The following ZC3H3 variants were observed in gnomAD, a reference collection of about 807,000 sequenced individuals.
ZC3H3 encodes zinc finger CCCH domain-containing protein 3.
Under a neutral mutation model 77.3 loss-of-function variants are expected in ZC3H3, and 36 were observed. The ratio of observed to expected loss-of-function variants is 0.47; its 90% CI spans 0.36 to 0.61. The LOEUF (loss-of-function observed/expected upper bound fraction) is 0.61. ZC3H3 is among the 20% of genes least tolerant of loss of function. ZC3H3 has a pLI of 0.00. For synonymous variants in ZC3H3, 626 were observed against 555.2 expected, an observed-to-expected ratio of 1.13 and a Z score of -1.79; for missense variants, 1,331 against 1,312.2, an observed-to-expected ratio of 1.01 and a Z score of -0.22.
intron 4 of ZC3H3, among the ~76,000 whole-genome samples, chr8:143,478,561 G>C (rs563726116): frequency 2.6e-5 from 4 of 152,362 alleles, no homozygotes; most frequent in East Asian, 1.9e-4. Context: ...CCAGGCTAGA[G>C]TGCAATGGTG....
intron 3 of ZC3H3, 52 bp from the exon 4 acceptor site, chr8:143,507,951 T>C (rs1481524546): frequency 4.6e-6 from 7 of 1,508,012 alleles, no homozygotes; most frequent in Non-Finnish European, 6.2e-6. Context: ...CCGGCAAGGG[T>C]AGGGTCAGAG....
chr8:143,540,065 G>T (rs576469127), intron 1 of ZC3H3, among the ~76,000 whole-genome samples: 27 of 152,372 alleles, frequency 1.8e-4, no homozygotes, highest in African/African-American at 6.0e-4. Context: ...ACGTCCAGAC[G>T]TGTTGACGCC....
rs541111207 is a variant in ZC3H3, at chr8:143,455,356, C to A, written c.2307+10361G>T. Among the ~76,000 whole-genome samples the A allele has an allele frequency of 1.1e-4, 16 of 151,886 alleles. No individual in the cohort carries two copies. The South Asian group carries it at 3.1e-3, about 30-fold the overall frequency. On this transcript the variant is annotated intron_variant, in intron 9 of 11. Coordinates refer to ENST00000262577, the MANE Select transcript of ZC3H3 (RefSeq NM_015117.3). ...AATAAAAATACAAAAATTAGCCAGG[C>A]GTGGTGGCGCGTGTCTGTAATCCCA...
At chr8:143,465,526 T>C (rs896265341) in intron 9 of ZC3H3, among the ~76,000 whole-genome samples, 191 bp downstream of exon 9, 1 of 152,200 alleles carries the variant, frequency 6.6e-6, no homozygotes, top group African/African-American at 2.4e-5. Context: ...AACCCCGCCC[T>C]GTGTTGGTGC....
intron 2 of ZC3H3, 49 bp downstream of exon 2, chr8:143,537,954 C>G (rs367557420): frequency 6.8e-5 from 103 of 1,514,980 alleles, no homozygotes; most frequent in Non-Finnish European, 8.8e-5. Flanking sequence ...GCCAAACAAA[C>G]CCTCCTCACA....
At chr8:143,481,149 G>A (rs1465671137) in intron 4 of ZC3H3, among the ~76,000 whole-genome samples, 3 of 152,164 alleles carry the variant, frequency 2.0e-5, no homozygotes, top group Non-Finnish European at 2.9e-5. Flanking sequence ...TCGAGGCCTA[G>A]GCCAGATTGC....
At chr8:143,466,635 C>T (rs988696348) in intron 8 of ZC3H3, among the ~76,000 whole-genome samples, 2 of 152,168 alleles carry the variant, frequency 1.3e-5, no homozygotes, top group African/African-American at 4.8e-5. Context: ...CCCTGCCCCT[C>T]ATGGGCCACC....
In ZC3H3 at chr8:143,533,705, G is replaced by C. The variant is rs928544382; in HGVS notation, c.1561+2552C>G. Among the ~76,000 whole-genome samples, 1 of 57,782 alleles carries C rather than the reference G, an allele frequency of 1.7e-5. No homozygotes were observed. The highest frequency in any genetic ancestry group is 1.9e-4 in the Admixed American group (1 of 5,366). 37.9% of individuals were successfully genotyped at this position (57,782 alleles called of 152,430 possible). ...CTGGTCTTTTTTTTTTTTTTTTTTTGAGACAAAATGTCACTCTGTCGCCCA... is the reference window on the plus strand; with the variant it reads ...CTGGTCTTTTTTTTTTTTTTTTTTTCAGACAAAATGTCACTCTGTCGCCCA... On this transcript the variant is annotated intron_variant, in intron 3 of 11. Transcript: ENST00000262577. The surrounding 1 kb of genome is among the most constrained non-coding windows in gnomAD (Gnocchi z 4.0).
At chr8:143,525,069 T>C (rs945952030) in intron 3 of ZC3H3, among the ~76,000 whole-genome samples, 1 of 42,626 alleles carries the variant, frequency 2.3e-5, no homozygotes, top group African/African-American at 6.7e-5. Flanking sequence ...TCCCTTGAAA[T>C]GCCATCTACT....
At chr8:143,507,239 C>A (rs192009974) in intron 4 of ZC3H3, among the ~76,000 whole-genome samples, 1 of 152,302 alleles carries the variant, frequency 6.6e-6, no homozygotes, top group East Asian at 1.9e-4. Flanking sequence ...CAGCCTGCAT[C>A]GAGGTCAGAG....
chr8:143,510,390 G>C (rs1821835706), intron 3 of ZC3H3, among the ~76,000 whole-genome samples: 1 of 152,190 alleles, frequency 6.6e-6, no homozygotes, highest in Non-Finnish European at 1.5e-5. Context: ...GCAGACCATG[G>C]GCAGTCCCTG....
Position 143,538,182 on chromosome 8 carries a change from C to G in ZC3H3, c.1185G>C (p.Gln395His). 6.2e-7 allele frequency: 1 copy of G among 1,613,034 alleles called. No homozygotes were observed. Among genetic ancestry groups the G allele is most frequent in the Non-Finnish European group, 8.5e-7 (1 of 1,180,020 alleles). Residue 395 changes from glutamine to histidine, a missense_variant, in exon 2 of 12, where the codon CAG (glutamine) becomes CAC (histidine). Physicochemically the swap from Gln to His is conservative, Grantham distance 24 (BLOSUM62 0). Transcript: ENST00000262577. ...CATGGTCCTTGCTGCTGGCCTCCGA[C>G]TGCCAACGGAAGGAGGAAGAGGAGG... is the stretch of plus-strand genomic sequence containing the variant. ...SASSSSSFRW[Q>H]SEASSKDHAS... is the part of the protein sequence containing the mutation.
At chr8:143,488,827 T>C (rs1010263299) in intron 4 of ZC3H3, among the ~76,000 whole-genome samples, 2 of 152,224 alleles carry the variant, frequency 1.3e-5, no homozygotes, top group Admixed American at 6.5e-5. Flanking sequence ...CCCTGAACAC[T>C]TGGAGTTCCA....
chr8:143,443,195 G>A (rs1218881901), intron 9 of ZC3H3, among the ~76,000 whole-genome samples: 2 of 144,810 alleles, frequency 1.4e-5, no homozygotes, highest in Non-Finnish European at 3.0e-5. Flanking sequence ...TGAGGCAGAA[G>A]AATCGCTTGA....
chr8:143,504,334 G>A (rs1024412002), intron 4 of ZC3H3, among the ~76,000 whole-genome samples: 1 of 152,234 alleles, frequency 6.6e-6, no homozygotes, highest in African/African-American at 2.4e-5. Context: ...CGGGAAAAGA[G>A]GGCAGGGGAG....
At chr8:143,537,263 G>A (rs988096612) in intron 2 of ZC3H3, among the ~76,000 whole-genome samples, 3 of 152,206 alleles carry the variant, frequency 2.0e-5, no homozygotes, top group Non-Finnish European at 4.4e-5. Flanking sequence ...ACTCTGCCTG[G>A]CTGCCTGGCC....
intron 3 of ZC3H3, among the ~76,000 whole-genome samples, chr8:143,521,586 C>T (rs1822244021): frequency 1.3e-5 from 2 of 152,142 alleles, no homozygotes; most frequent in Admixed American, 6.5e-5. Context: ...AGGCACCCAC[C>T]GGGGCAGGCA....
chr8:143,536,008 T>C (rs992651950), intron 3 of ZC3H3, among the ~76,000 whole-genome samples: 11 of 152,110 alleles, frequency 7.2e-5, no homozygotes, highest in East Asian at 5.8e-4. Flanking sequence ...GCTGGGTCCA[T>C]ACCAAGGGAC....
chr8:143,522,361 G>T (rs757385817), intron 3 of ZC3H3, among the ~76,000 whole-genome samples: 2 of 152,228 alleles, frequency 1.3e-5, no homozygotes, highest in African/African-American at 2.4e-5. Flanking sequence ...CCAGCACTTT[G>T]CGAGGCCAAG....
Sources: allele counts gnomAD v4.1 joint callset (sites outside exome capture counted in the v4.1 genomes callset), GRCh38; gene constraint gnomAD v4.1.1; non-coding constraint Gnocchi (gnomAD v3.1); transcripts MANE v1.5; gene names NCBI Gene and HGNC (gene_info 2026-07-23, HGNC 2026-07-21).